The following TMPRSS11D variants were observed in gnomAD, a reference collection of about 807,000 sequenced individuals.
TMPRSS11D encodes transmembrane serine protease 11D, also known as transmembrane protease serine 11D.
A neutral mutation model predicts 44.4 loss-of-function variants in TMPRSS11D; 32 were observed. The observed-to-expected ratio is 0.72, with a 90% CI of 0.54 to 0.97. The LOEUF (loss-of-function observed/expected upper bound fraction) is 0.97. Ranked by LOEUF, TMPRSS11D falls within the 50% of genes least tolerant of loss-of-function variation. The probability of loss-of-function intolerance (pLI) is 0.00; values close to 1 mark genes in which losing one functional copy is unlikely to be tolerated. For synonymous variants in TMPRSS11D, 179 were observed against 177.9 expected, an observed-to-expected ratio of 1.01 and a Z score of -0.05; for missense variants, 446 against 502.6, an observed-to-expected ratio of 0.89 and a Z score of 1.08.
chr4:67,854,365 G>C (rs1431588044), intron 2 of TMPRSS11D, among the ~76,000 whole-genome samples, 179 bp from the exon 3 acceptor site: 1 of 152,076 alleles, frequency 6.6e-6, no homozygotes, highest in African/African-American at 2.4e-5. Flanking sequence ...TTTTTAAAAA[G>C]ATTGGCAAAG....
Position 67,841,973 on chromosome 4 carries a change from A to C in TMPRSS11D, c.317+585T>G, listed in dbSNP as rs1560540592. Among the ~76,000 whole-genome samples, 3 of 152,366 alleles carry C rather than the reference A, an allele frequency of 2.0e-5. No homozygotes were observed. In the East Asian group the frequency reaches 5.8e-4, roughly 29 times the overall value. On this transcript the variant is annotated intron_variant, in intron 4 of 9. Coordinates refer to ENST00000283916, the MANE Select transcript of TMPRSS11D (RefSeq NM_004262.3). ...TTGAGACATTTGCGGGAGAGTCAGT[A>C]AAGGTGACTATTTCAGTTGGAAAGG...
intron 5 of TMPRSS11D, among the ~76,000 whole-genome samples, chr4:67,836,142 T>G (rs899106467): frequency 6.6e-6 from 1 of 152,148 alleles, no homozygotes; most frequent in South Asian, 2.1e-4. Context: ...CTGTCCTCTA[T>G]CTTTTGAATT....
At chr4:67,874,321 C>CA (rs34052030) in intron 1 of TMPRSS11D, among the ~76,000 whole-genome samples, 118,268 of 152,028 alleles carry the variant, frequency 0.78, 46,260 homozygotes, top group East Asian at 0.99. Context: ...TTCTATAGGA[C>CA]TAAATCAGTG....
chr4:67,827,987 T>C (rs958481146), intron 7 of TMPRSS11D, among the ~76,000 whole-genome samples: 33 of 151,990 alleles, frequency 2.2e-4, no homozygotes, highest in African/African-American at 7.7e-4. Context: ...ATCTTGTTAA[T>C]GGATGAATAA....
chr4:67,844,735 C>T (rs779356778), intron 3 of TMPRSS11D, among the ~76,000 whole-genome samples: 3 of 151,514 alleles, frequency 2.0e-5, no homozygotes, highest in East Asian at 3.9e-4. Flanking sequence ...GTCAAGATCG[C>T]GCCAGTACAC....
At chr4:67,856,163 G>A (rs1393872944) in intron 2 of TMPRSS11D, among the ~76,000 whole-genome samples, 1 of 152,056 alleles carries the variant, frequency 6.6e-6, no homozygotes, top group Non-Finnish European at 1.5e-5. Flanking sequence ...GAAACAAAGA[G>A]CCCAAATAGT....
chr4:67,822,806 T>A (rs1377543828), intron 9 of TMPRSS11D, among the ~76,000 whole-genome samples: 1 of 152,208 alleles, frequency 6.6e-6, no homozygotes, highest in Non-Finnish European at 1.5e-5. Context: ...ATCAACCTTT[T>A]TCCTTCACAC....
Position 67,883,999 on chromosome 4 carries a change from G to A in TMPRSS11D, c.-66C>T, listed in dbSNP as rs949774459. The A allele has an allele frequency of 4.2e-6, 6 of 1,444,016 alleles. No homozygotes were observed. Among genetic ancestry groups the A allele is most frequent in the African/African-American group, 1.4e-5 (1 of 69,890 alleles). 89.5% of individuals were successfully genotyped at this position (1,444,016 alleles called of 1,614,324 possible). Reference sequence around the variant, plus strand: ...ACTGCTTTGAGATTCCCACTCAAATGAATGACTCTCATGTATTACGTGTGA... The same window carrying A: ...ACTGCTTTGAGATTCCCACTCAAATAAATGACTCTCATGTATTACGTGTGA... On this transcript the variant is annotated 5_prime_UTR_variant, in exon 1 of 10. Coordinates refer to ENST00000283916, the MANE Select transcript of TMPRSS11D (RefSeq NM_004262.3).
chr4:67,840,736 G>A (rs1335146318), intron 4 of TMPRSS11D, among the ~76,000 whole-genome samples: 1 of 152,090 alleles, frequency 6.6e-6, no homozygotes, highest in Non-Finnish European at 1.5e-5. Context: ...TACACAATGT[G>A]ATTATTATGC....
intron 7 of TMPRSS11D, among the ~76,000 whole-genome samples, chr4:67,828,009 T>TAA (rs1717847314): frequency 6.6e-6 from 1 of 151,910 alleles, no homozygotes; most frequent in South Asian, 2.1e-4. Flanking sequence ...TTTTCTGCAC[T>TAA]AAGTCTGATA....
chr4:67,874,649 A>G (rs868697406), intron 1 of TMPRSS11D, among the ~76,000 whole-genome samples: 7 of 152,218 alleles, frequency 4.6e-5, no homozygotes, highest in South Asian at 2.1e-4. Flanking sequence ...GAAATATATC[A>G]TTAAATGCAC....
At chr4:67,873,444 A>G (rs1213310778) in intron 1 of TMPRSS11D, among the ~76,000 whole-genome samples, 1 of 152,190 alleles carries the variant, frequency 6.6e-6, no homozygotes, top group Non-Finnish European at 1.5e-5. Flanking sequence ...GAATCTGGGA[A>G]ACTAAGCCTG....
chr4:67,854,200 A>G lies in TMPRSS11D; in HGVS notation c.131-14T>C, dbSNP rs1268980325. 1 of 1,311,108 alleles carries G rather than the reference A, an allele frequency of 7.6e-7. No homozygotes were observed. The highest frequency in any genetic ancestry group is 1.3e-5 in the South Asian group (1 of 79,446). 81.2% of individuals were successfully genotyped at this position (1,311,108 alleles called of 1,614,324 possible). On this transcript the variant is annotated splice_polypyrimidine_tract_variant and intron_variant, in intron 2 of 9. Coordinates refer to ENST00000283916, the MANE Select transcript of TMPRSS11D (RefSeq NM_004262.3). ...AAGATTTTTGATCTGAAAAAGAAAT[A>G]AAAGGGAAGGTCAGTCTTACTTTAC...
intron 4 of TMPRSS11D, among the ~76,000 whole-genome samples, chr4:67,842,123 T>C (rs923041393): frequency 1.3e-5 from 2 of 152,174 alleles, no homozygotes; most frequent in African/African-American, 4.8e-5. Context: ...ACCCTTTTAT[T>C]ATAGCACATC....
chr4:67,861,436 G>T (rs990366153), intron 1 of TMPRSS11D, among the ~76,000 whole-genome samples: 4 of 152,118 alleles, frequency 2.6e-5, no homozygotes, highest in Non-Finnish European at 5.9e-5. Context: ...GTTAAAAATA[G>T]ACAGAGTTGG....
intron 9 of TMPRSS11D, among the ~76,000 whole-genome samples, chr4:67,825,047 T>C (rs1717757652): frequency 6.6e-6 from 1 of 152,134 alleles, no homozygotes; most frequent in Non-Finnish European, 1.5e-5. Flanking sequence ...TGCATTTGGT[T>C]AAAAATTATG....
intron 1 of TMPRSS11D, among the ~76,000 whole-genome samples, chr4:67,872,883 T>A (rs1167848314): frequency 6.6e-6 from 1 of 152,202 alleles, no homozygotes; most frequent in African/African-American, 2.4e-5. Flanking sequence ...TTGAAATGAT[T>A]TACTTCTTAT....
At chr4:67,866,444 G>A (rs1334731043) in intron 1 of TMPRSS11D, among the ~76,000 whole-genome samples, 5 of 151,868 alleles carry the variant, frequency 3.3e-5, no homozygotes, top group African/African-American at 1.2e-4. Context: ...ACAAGGCAAG[G>A]ATGACCACTT....
At chr4:67,867,841 A>G (rs1433341404) in intron 1 of TMPRSS11D, among the ~76,000 whole-genome samples, 1 of 152,200 alleles carries the variant, frequency 6.6e-6, no homozygotes, top group Non-Finnish European at 1.5e-5. Flanking sequence ...GGATGCAGAG[A>G]AAAGGGAACA....
Sources: gnomAD v4.1 joint callset for allele counts (sites outside exome capture counted in the v4.1 genomes callset) on GRCh38, gnomAD v4.1.1 for gene constraint, MANE v1.5 for transcripts, NCBI Gene and HGNC (gene_info 2026-07-23, HGNC 2026-07-21) for gene names.